PPP4R1: variants seen among roughly 807,000 people sequenced by gnomAD.
The protein encoded by PPP4R1 is protein phosphatase 4 regulatory subunit 1.
A neutral mutation model predicts 111.2 loss-of-function variants in PPP4R1; 42 were observed. The observed-to-expected ratio is 0.38, with a 90% CI of 0.29 to 0.49. The LOEUF (loss-of-function observed/expected upper bound fraction) is 0.49. Among genes scored for constraint, PPP4R1 ranks in the 20% least tolerant of loss-of-function variants. The probability of loss-of-function intolerance (pLI) is 0.97; values close to 1 mark genes in which losing one functional copy is unlikely to be tolerated. For synonymous variants in PPP4R1, 409 were observed against 405.5 expected (o/e 1.01, Z -0.10); for missense variants, 1,012 against 1,161.6 (o/e 0.87, Z 1.87).
In PPP4R1 at chr18:9,576,474, C is replaced by T. The variant is rs143952698; in HGVS notation, c.1046+590G>A. Among the ~76,000 whole-genome samples the T allele has an allele frequency of 9.1e-3, 1,380 of 151,690 alleles. 12 individuals carry two copies. Among genetic ancestry groups the T allele is most frequent in the Admixed American group, 0.031 (469 of 15,248 alleles). On this transcript the variant is annotated intron_variant, in intron 10 of 19. Coordinates refer to ENST00000400556, the MANE Select transcript of PPP4R1 (RefSeq NM_001042388.3). ...AACATTTAAAAATAAAAATCACAGC[C>T]GACTCTTTAAGCTTTATTTAAAACT...
At chr18:9,583,387 G>T in intron 8 of PPP4R1, 112 bp from the exon 9 acceptor site, 1 of 1,150,952 alleles carries the variant, frequency 8.7e-7, no homozygotes, top group Non-Finnish European at 1.2e-6. Context: ...TTTGTTTTGA[G>T]ACAGAGTCTC....
In PPP4R1 at chr18:9,549,895, C is replaced by T. The variant is rs767219934; in HGVS notation, c.2547+157G>A. Reference sequence around the variant, plus strand: ...GCTGGGAGAGAGGGGCCACCAGATGCCCAACAATGGGGGCAGATGATCCTA... The same window carrying T: ...GCTGGGAGAGAGGGGCCACCAGATGTCCAACAATGGGGGCAGATGATCCTA... On this transcript the variant is annotated intron_variant, in intron 18 of 19. Coordinates refer to ENST00000400556, the MANE Select transcript of PPP4R1 (RefSeq NM_001042388.3). 8.8e-6 allele frequency: 10 copies of T among 1,134,152 alleles called. 1 individual carries two copies. Among genetic ancestry groups the T allele is most frequent in the South Asian group, 4.9e-5 (3 of 61,562 alleles). 70.3% of individuals were successfully genotyped at this position (1,134,152 alleles called of 1,614,324 possible). A position where few individuals can be genotyped will look rare whatever the true frequency, so the allele number is the denominator to read the frequency against.
chr18:9,590,558 C>G (rs1026818750), intron 4 of PPP4R1, among the ~76,000 whole-genome samples: 2 of 152,082 alleles, frequency 1.3e-5, no homozygotes, highest in African/African-American at 4.8e-5. Flanking sequence ...CCCGCTTAGG[C>G]AAATAGACTA....
At chr18:9,602,813 A>G (rs2067412744) in intron 2 of PPP4R1, among the ~76,000 whole-genome samples, 1 of 152,018 alleles carries the variant, frequency 6.6e-6, no homozygotes, top group African/African-American at 2.4e-5. Context: ...GTACTGAGAC[A>G]CTGTCTCAAA....
intron 12 of PPP4R1, chr18:9,563,092 T>G: frequency 9.1e-7 from 1 of 1,095,414 alleles, no homozygotes. Flanking sequence ...ATAAAGGGCT[T>G]TGTTTCCAGT....
upstream of PPP4R1, among the ~76,000 whole-genome samples, chr18:9,616,462 C>T (rs985451932): frequency 6.6e-6 from 1 of 151,926 alleles, no homozygotes; most frequent in African/African-American, 2.4e-5. Flanking sequence ...TTTTTAGGGA[C>T]GTGGTTCTAC....
intron 11 of PPP4R1, among the ~76,000 whole-genome samples, chr18:9,568,903 C>T (rs1195350850): frequency 2.6e-5 from 4 of 152,054 alleles, no homozygotes; most frequent in South Asian, 2.1e-4. Flanking sequence ...GGCATGGTGG[C>T]GCACGCCTGT....
chr18:9,547,848 G>A lies in PPP4R1; in HGVS notation c.2794C>T (p.His932Tyr). Residue 932 changes from histidine (H) to tyrosine (Y), a missense_variant, in exon 20 of 20, where the codon CAC becomes TAC. Around this residue, in one of 2 missense-constraint regions of PPP4R1, gnomAD observed 305 missense variants for 419.5 expected, o/e 0.73. Coordinates refer to ENST00000400556, the MANE Select transcript of PPP4R1 (RefSeq NM_001042388.3). The stretch of plus-strand genomic sequence containing the variant: ...TCGGAGATTTTGGTACTGGCAGGGT[G>A]GATGCTTGCAAAATACTTGACATCG... ...DSDVKYFASI[H>Y]PASTKISEDA... 6.2e-7 allele frequency: 1 copy of A among 1,613,658 alleles called. No individual in the cohort carries two copies. Among genetic ancestry groups the A allele is most frequent in the Non-Finnish European group, 8.5e-7 (1 of 1,180,014 alleles).
chr18:9,547,707 C>G lies in PPP4R1; in HGVS notation c.*82G>C. 1 of 1,531,792 alleles carries G rather than the reference C, an allele frequency of 6.5e-7. No homozygotes were observed. The highest frequency in any genetic ancestry group is 1.2e-5 in the South Asian group (1 of 85,702). 94.9% of individuals were successfully genotyped at this position (1,531,792 alleles called of 1,614,324 possible). A position where few individuals can be genotyped will look rare whatever the true frequency, so the allele number is the denominator to read the frequency against. On this transcript the variant is annotated 3_prime_UTR_variant, in exon 20 of 20. Transcript: ENST00000400556. The stretch of plus-strand genomic sequence containing the variant: ...AGGAAGGTCTCTCCTCCCCCGAAAG[C>G]TATCCCAGGTCACATGCGTGGCGAA...
chr18:9,600,261 T>C (rs1473601085), intron 2 of PPP4R1, among the ~76,000 whole-genome samples: 2 of 143,268 alleles, frequency 1.4e-5, no homozygotes, highest in African/African-American at 2.6e-5. Context: ...CTAGAAGGTA[T>C]AGCTAGAAAG....
chr18:9,583,893 C>T (rs329034), intron 8 of PPP4R1, among the ~76,000 whole-genome samples: 121,228 of 151,944 alleles, frequency 0.8, 48,467 homozygotes, highest in Non-Finnish European at 0.81. Context: ...TGTATTATTT[C>T]ACAAAAGTGA....
chr18:9,550,144 T>C lies in PPP4R1; in HGVS notation c.2455A>G (p.Thr819Ala), dbSNP rs957339515. The C allele has an allele frequency of 5.4e-5, 87 of 1,614,042 alleles. No individual in the cohort carries two copies. Among genetic ancestry groups the C allele is most frequent in the Admixed American group, 3.8e-4 (23 of 60,004 alleles). ...TCATTGATGAGGTCCACTCCGAACG[T>C]TGGTGGTGTTGCCGCGTGCAGCTTC... Reference protein sequence around the residue: ...VKKLHAATPPTFGVDLINELV... With the variant: ...VKKLHAATPPAFGVDLINELV... The change falls in exon 18 of 20, where the codon ACG (threonine) becomes GCG (alanine). Residue 819 changes from threonine (T) to alanine (A), a missense_variant. Physicochemically the swap from Thr to Ala is moderately conservative, Grantham distance 58. Around this residue, in one of 2 missense-constraint regions of PPP4R1, gnomAD observed 305 missense variants for 419.5 expected, o/e 0.73. Coordinates refer to ENST00000400556, the MANE Select transcript of PPP4R1 (RefSeq NM_001042388.3).
intron 15 of PPP4R1, 195 bp downstream of exon 15, chr18:9,557,023 TATC>T: frequency 2.3e-6 from 1 of 440,182 alleles, no homozygotes; most frequent in Non-Finnish European, 3.9e-6. Context: ...GTCTGTAAAC[TATC>T]ATCTAATACT....
chr18:9,583,760 A>G (rs1253812933), intron 8 of PPP4R1, among the ~76,000 whole-genome samples: 2 of 152,004 alleles, frequency 1.3e-5, no homozygotes, highest in African/African-American at 2.4e-5. Flanking sequence ...TTTACTGTCT[A>G]TTCCTAAAAG....
At chr18:9,602,322 G>C (rs375275720) in intron 2 of PPP4R1, among the ~76,000 whole-genome samples, 1 of 139,606 alleles carries the variant, frequency 7.2e-6, no homozygotes, top group Non-Finnish European at 1.5e-5. Flanking sequence ...ATGAGGTCAG[G>C]AGATTGAGAC....
chr18:9,593,856 A>T lies in PPP4R1; in HGVS notation c.207T>A (p.Ser69Arg), dbSNP rs2067250184. Reference sequence around the variant, plus strand: ...AGACTTCCCTCAAGGTATCGAGCAAACTCCGGGCCACCATTTGTCTACACA... The same window carrying T: ...AGACTTCCCTCAAGGTATCGAGCAATCTCCGGGCCACCATTTGTCTACACA... The part of the protein sequence containing the change: ...NIFNRQMVAR[S>R]LLDTLREVCD... Residue 69 changes from serine to arginine, a missense_variant, in exon 4 of 20, where the codon AGT (serine) becomes AGA (arginine). Ser to Arg is a moderately radical substitution (Grantham distance 110, BLOSUM62 -1). Around this residue, in one of 2 missense-constraint regions of PPP4R1, gnomAD observed 707 missense variants for 742.1 expected, o/e 0.95. Transcript: ENST00000400556. 3 of 1,613,622 alleles carry T rather than the reference A, an allele frequency of 1.9e-6. No individual in the cohort carries two copies. The highest frequency in any genetic ancestry group is 2.5e-6 in the Non-Finnish European group (3 of 1,179,872).
chr18:9,601,174 T>G (rs1324642557), intron 2 of PPP4R1, among the ~76,000 whole-genome samples: 1 of 150,876 alleles, frequency 6.6e-6, no homozygotes, highest in Admixed American at 6.6e-5. Context: ...TGCAATACAG[T>G]GTTCAAACCA....
intron 13 of PPP4R1, among the ~76,000 whole-genome samples, chr18:9,561,315 C>T (rs1406482143): frequency 2.0e-5 from 3 of 151,658 alleles, no homozygotes; most frequent in African/African-American, 2.4e-5. Context: ...TGCAGCACTG[C>T]TTATAGCATC....
rs533427240 is a variant in PPP4R1 at position 9,569,996 on chromosome 18, T to C, written c.1573+161A>G. On this transcript the variant is annotated intron_variant, in intron 11 of 19. Transcript: ENST00000400556. ...ACCTCCTGGTCTCAAGTGATCCTCC[T>C]GTCTCAACCTCTCAAAGTGCTGGTA... 2.6e-5 allele frequency among the ~76,000 whole-genome samples: 4 copies of C among 152,290 alleles called. No individual in the cohort carries two copies. In the South Asian group the frequency reaches 8.3e-4, roughly 32 times the overall value.
Sources: gnomAD v4.1 joint callset for allele counts (sites outside exome capture counted in the v4.1 genomes callset) on GRCh38, gnomAD v4.1.1 for gene constraint, gnomAD v4.1.1 regional missense constraint, MANE v1.5 for transcripts, NCBI Gene and HGNC (gene_info 2026-07-23, HGNC 2026-07-21) for gene names.